PARP14: variants seen among roughly 807,000 people sequenced by gnomAD.
PARP14 encodes protein mono-ADP-ribosyltransferase PARP14.
A neutral mutation model predicts 154.2 loss-of-function variants in PARP14; 59 were observed. That is an observed-to-expected ratio of 0.38 (90% CI 0.31 to 0.48). The LOEUF (loss-of-function observed/expected upper bound fraction) is 0.48, where lower values mean the gene tolerates loss of function less well. PARP14 is among the 20% of genes least tolerant of loss of function. The pLI is 0.98. For missense variants in PARP14, 1,734 were observed against 2,131.6 expected (o/e 0.81, Z 3.67); for synonymous variants, 720 against 780.5 (o/e 0.92, Z 1.29).
At position 122,718,873 on chromosome 3, in the gene PARP14, G is replaced by T; in HGVS notation, c.4722G>T (p.Arg1574=). The T allele has an allele frequency of 1.9e-6, 3 of 1,613,814 alleles. No individual in the cohort carries two copies. The East Asian group carries it at 6.7e-5, about 36-fold the overall frequency. ...KKTVDVKINH[R]HYTVNLNTYT... is the part of the protein sequence containing the mutation. Reference sequence around the variant, plus strand: ...CAGTTGATGTCAAAATTAATCATCGGCACTACACAGTGAACTTGAACACAT... The same window carrying T: ...CAGTTGATGTCAAAATTAATCATCGTCACTACACAGTGAACTTGAACACAT... Residue 1574 remains arginine (R), a synonymous_variant, in exon 14 of 17, where the codon CGG becomes CGT. Transcript: ENST00000474629.
intron 3 of PARP14, among the ~76,000 whole-genome samples, chr3:122,691,516 T>G (rs1401672020): frequency 6.6e-6 from 1 of 152,218 alleles, no homozygotes; most frequent in Admixed American, 6.5e-5. Flanking sequence ...ATAGGGATCC[T>G]TTTTTCTTTT....
rs1560060136 is a variant in PARP14, at chr3:122,699,791, A to G, written c.1237A>G (p.Ile413Val). ...IKVDPTMWDT[I>V]KNDVKDDRIL... ...AGTGGATCCAACAATGTGGGACACCATAAAAAATGATGTGAAAGATGACAG... is the reference window on the plus strand; with the variant it reads ...AGTGGATCCAACAATGTGGGACACCGTAAAAAATGATGTGAAAGATGACAG... The change falls in exon 6 of 17, where the codon ATA (isoleucine) becomes GTA (valine). Residue 413 changes from isoleucine (I) to valine (V), a missense_variant. Coordinates refer to ENST00000474629, the MANE Select transcript of PARP14 (RefSeq NM_017554.3). 1 of 1,614,052 alleles carries G rather than the reference A, an allele frequency of 6.2e-7. No homozygotes were observed. Among genetic ancestry groups the G allele is most frequent in the Non-Finnish European group, 8.5e-7 (1 of 1,179,890 alleles).
Position 122,701,066 on chromosome 3 carries a change from T to C in PARP14, c.2512T>C (p.Ser838Pro). ...TTATGGTGGCCTGGCCGCTGCGCTC[T>C]CAAAAGCAGCTGGCCCTGAGCTCCA... Reference protein sequence around the residue: ...KHYGGLAAALSKAAGPELQAD... With the variant: ...KHYGGLAAALPKAAGPELQAD... Residue 838 changes from serine to proline, a missense_variant, in exon 6 of 17, where the codon TCA (serine) becomes CCA (proline). This residue lies in a region of PARP14 where 1,646 missense variants were observed against 1,976.0 expected (regional missense o/e 0.83). Transcript: ENST00000474629. This position sits in a 1 kb window ranked among gnomAD's most constrained non-coding sequence, Gnocchi z 4.0. 1 of 1,613,972 alleles carries C rather than the reference T, an allele frequency of 6.2e-7. No individual in the cohort carries two copies. Among genetic ancestry groups the C allele is most frequent in the Admixed American group, 1.7e-5 (1 of 60,018 alleles).
At chr3:122,686,025 A>C (rs890981735) in intron 2 of PARP14, among the ~76,000 whole-genome samples, 3 of 152,254 alleles carry the variant, frequency 2.0e-5, no homozygotes, top group Non-Finnish European at 2.9e-5. Context: ...ATGGAATAGT[A>C]ACATTAATGA....
In PARP14 at chr3:122,692,442, T is replaced by C. The variant is rs546046336; in HGVS notation, c.497T>C (p.Ile166Thr). The C allele has an allele frequency of 2.5e-6, 4 of 1,613,794 alleles. No homozygotes were observed. The South Asian group carries it at 3.3e-5, about 13-fold the overall frequency. ...LKANVTDIML[I>T]LLVENISGLS... ...GCAAATGTGACTGACATAATGCTAA[T>C]CTTGTTAGTGGAGAACATAAGTGGC... The change falls in exon 4 of 17, where the codon ATC becomes ACC. Residue 166 changes from isoleucine (I) to threonine (T), a missense_variant. Physicochemically the swap from Ile to Thr is moderately conservative, Grantham distance 89. Transcript: ENST00000474629.
chr3:122,719,563 C>T (rs939893214), intron 14 of PARP14, among the ~76,000 whole-genome samples: 2 of 152,218 alleles, frequency 1.3e-5, no homozygotes, highest in African/African-American at 2.4e-5. Context: ...TTCCTACCTT[C>T]GAACCAGATT....
intron 3 of PARP14, among the ~76,000 whole-genome samples, chr3:122,689,371 T>C (rs112201632): frequency 0.034 from 5,247 of 152,312 alleles, 122 homozygotes; most frequent in Middle Eastern, 0.088. Context: ...GCTCAGGCTG[T>C]CTTGGCTCAC....
chr3:122,706,431 TA>T (rs1010445222), intron 8 of PARP14, among the ~76,000 whole-genome samples: 23 of 151,970 alleles, frequency 1.5e-4, no homozygotes, highest in African/African-American at 3.9e-4. Flanking sequence ...TTTAGATTAT[TA>T]AAAAAAAATT....
rs1351024616 is a variant in PARP14, at chr3:122,708,264, A to G, written c.3615A>G (p.Thr1205=). Residue 1205 remains threonine (T), a synonymous_variant, in exon 9 of 17, where the codon ACA becomes ACG. Transcript: ENST00000474629. ...ACAAAATTCCGAAGGCTAAAGATAC[A>G]CAAGGTTCAGTAAAGCTTCTAAATT... ...VSDKIPKAKD[T]QGFYGTVSSP... The G allele has an allele frequency of 5.2e-6, 8 of 1,543,012 alleles. No homozygotes were observed. In the African/African-American group the frequency reaches 8.2e-5, roughly 16 times the overall value.
chr3:122,725,385 G>A (rs1410748041), intron 15 of PARP14, among the ~76,000 whole-genome samples: 4 of 148,408 alleles, frequency 2.7e-5, no homozygotes, highest in African/African-American at 1.0e-4. Flanking sequence ...GCAGCGGCCG[G>A]GCAAAGGTGC....
Position 122,690,544 on chromosome 3 carries a change from C to T in PARP14, c.356-1757C>T, listed in dbSNP as rs908113455. On this transcript the variant is annotated intron_variant, in intron 3 of 16. Coordinates refer to ENST00000474629, the MANE Select transcript of PARP14 (RefSeq NM_017554.3). ...TATTTATTCATTTATTTTTCTGAGA[C>T]GGAATCGCCCAGACTGGAGTGCAGT... Among the ~76,000 whole-genome samples, 16 of 152,228 alleles carry T rather than the reference C, an allele frequency of 1.1e-4. No homozygotes were observed. The South Asian group carries it at 2.3e-3, about 22-fold the overall frequency.
In PARP14 at chr3:122,701,329, C is replaced by A; in HGVS notation, c.2775C>A (p.Val925=). 6.2e-7 allele frequency: 1 copy of A among 1,614,060 alleles called. No homozygotes were observed. Among genetic ancestry groups the A allele is most frequent in the South Asian group, 1.1e-5 (1 of 91,088 alleles). Residue 925 remains valine, a synonymous_variant, in exon 6 of 17, where the codon GTC becomes GTA. Transcript: ENST00000474629. The surrounding 1 kb of genome is among the most constrained non-coding windows in gnomAD (Gnocchi z 4.0). The stretch of plus-strand genomic sequence containing the variant: ...CCATCCCAGCTATTAGTTCTGGAGT[C>A]TTTGGCTTTCCCTTAGGCCGATGCG... The part of the protein sequence containing the change: ...SIAIPAISSG[V]FGFPLGRCVE...
intron 9 of PARP14, among the ~76,000 whole-genome samples, chr3:122,710,486 A>C (rs1456651472): frequency 2.0e-5 from 3 of 152,190 alleles, no homozygotes; most frequent in Non-Finnish European, 4.4e-5. Flanking sequence ...GAAGTTGGGT[A>C]ATGTGATGTC....
Position 122,701,750 on chromosome 3 carries a change from TC to T in PARP14, c.3081+118del. 1 of 748,814 alleles carries T rather than the reference TC, an allele frequency of 1.3e-6. No individual in the cohort carries two copies. Among genetic ancestry groups the T allele is most frequent in the Non-Finnish European group, 2.1e-6 (1 of 465,244 alleles). The allele number at this position is 748,814 out of a possible 1,614,324, so 46.4% of individuals were successfully genotyped here. ...CCAAGGTGAGAATCAAGGGAGAGAA[TC>T]CCATGCCTTCCACCCCTGCCTTGAA... On this transcript the variant is annotated intron_variant, in intron 6 of 16. Transcript: ENST00000474629. The surrounding 1 kb of genome is among the most constrained non-coding windows in gnomAD (Gnocchi z 4.0).
rs773949738 is a variant in PARP14 at position 122,701,278 on chromosome 3, C to T, written c.2724C>T (p.Ala908=). 27 of 1,613,914 alleles carry T rather than the reference C, an allele frequency of 1.7e-5. No individual in the cohort carries two copies. Among genetic ancestry groups the T allele is most frequent in the East Asian group, 4.5e-5 (2 of 44,878 alleles). Reference sequence around the variant, plus strand: ...CTGTGCAACTCAGTCTCTGTCTAGCCGAAAAATACAAGTACCGATCCATAG... The same window carrying T: ...CTGTGCAACTCAGTCTCTGTCTAGCTGAAAAATACAAGTACCGATCCATAG... ...RRAVQLSLCL[A]EKYKYRSIAI... is the part of the protein sequence containing the mutation. Residue 908 remains alanine (A), a synonymous_variant, in exon 6 of 17, where the codon GCC becomes GCT. Coordinates refer to ENST00000474629, the MANE Select transcript of PARP14 (RefSeq NM_017554.3). The surrounding 1 kb of genome is among the most constrained non-coding windows in gnomAD (Gnocchi z 4.0).
At chr3:122,685,865 T>C (rs1430864712) in intron 2 of PARP14, among the ~76,000 whole-genome samples, 1 of 152,138 alleles carries the variant, frequency 6.6e-6, no homozygotes, top group Non-Finnish European at 1.5e-5. Context: ...TTGGGGATTA[T>C]AATAATGGTG....
At chr3:122,692,599 T>C in intron 4 of PARP14, 56 bp downstream of exon 4, 2 of 1,480,506 alleles carry the variant, frequency 1.4e-6, no homozygotes, top group Non-Finnish European at 1.8e-6. Context: ...TCATGAGACT[T>C]GAGATACCTC....
chr3:122,698,855 A>G lies in PARP14; in HGVS notation c.836-535A>G, dbSNP rs1330560207. Among the ~76,000 whole-genome samples the G allele has an allele frequency of 2.0e-5, 3 of 152,348 alleles. No individual in the cohort carries two copies. The East Asian group carries it at 5.8e-4, about 29-fold the overall frequency. On this transcript the variant is annotated intron_variant, in intron 5 of 16. Coordinates refer to ENST00000474629, the MANE Select transcript of PARP14 (RefSeq NM_017554.3). The stretch of plus-strand genomic sequence containing the variant: ...GGACTGTACAAGAAGAACAAATAGC[A>G]TAATACTAAGGTGAGCTTCACTTTG...
In PARP14 at chr3:122,728,005, T is replaced by G; in HGVS notation, c.5116+19T>G. On this transcript the variant is annotated intron_variant, in intron 16 of 16. Transcript: ENST00000474629. ...AAGAATGGTAAGGAAGCGAGTAATC[T>G]GGCTGCTTGGAATGAGGCATCAGCC... is the stretch of plus-strand genomic sequence containing the variant. 1 of 1,597,814 alleles carries G rather than the reference T, an allele frequency of 6.3e-7. No homozygotes were observed. The highest frequency in any genetic ancestry group is 1.3e-5 in the African/African-American group (1 of 74,356).
Sources: gnomAD v4.1 joint callset for allele counts (sites outside exome capture counted in the v4.1 genomes callset) on GRCh38, gnomAD v4.1.1 for gene constraint, gnomAD v4.1.1 regional missense constraint, Gnocchi (gnomAD v3.1) non-coding constraint, MANE v1.5 for transcripts, NCBI Gene and HGNC (gene_info 2026-07-23, HGNC 2026-07-21) for gene names.